The following BMPR1B variants were observed in gnomAD, a reference collection of about 807,000 sequenced individuals.
The protein encoded by BMPR1B is bone morphogenetic protein receptor type 1B.
BMPR1B carries 12 observed loss-of-function variants against 59.1 expected under a neutral mutation model. The ratio of observed to expected loss-of-function variants is 0.20; its 90% confidence interval spans 0.13 to 0.33. BMPR1B has a LOEUF of 0.33. BMPR1B is among the 10% of genes least tolerant of loss of function. The pLI is 1.00. For missense variants in BMPR1B, 550 were observed against 610.9 expected (o/e 0.90, Z 1.05); for synonymous variants, 237 against 207.3 (o/e 1.14, Z -1.23).
At chr4:94,873,087 G>C (rs1167706970) in intron 1 of BMPR1B, among the ~76,000 whole-genome samples, 2 of 151,922 alleles carry the variant, frequency 1.3e-5, no homozygotes, top group African/African-American at 4.8e-5. Flanking sequence ...CCATAAGCCA[G>C]ACTTCCTGGG....
chr4:95,005,963 G>A (rs144046061), intron 3 of BMPR1B, among the ~76,000 whole-genome samples: 8 of 152,174 alleles, frequency 5.3e-5, no homozygotes, highest in Admixed American at 3.9e-4. Context: ...AACATGTCAC[G>A]GATATTTGTA....
At chr4:95,041,831 C>T (rs147181560) in intron 3 of BMPR1B, among the ~76,000 whole-genome samples, 31 of 152,054 alleles carry the variant, frequency 2.0e-4, no homozygotes, top group Middle Eastern at 3.4e-3. Flanking sequence ...ATCCCTAATC[C>T]AAAATCTGAA....
intron 3 of BMPR1B, among the ~76,000 whole-genome samples, chr4:95,087,739 AT>A (rs1729691538): frequency 1.3e-5 from 2 of 152,274 alleles, no homozygotes; most frequent in African/African-American, 4.8e-5. Context: ...CTCAAAAAAA[AT>A]AAATAAATAA....
intron 3 of BMPR1B, among the ~76,000 whole-genome samples, chr4:95,092,142 T>G (rs555364960): frequency 1.3e-5 from 2 of 152,262 alleles, no homozygotes; most frequent in South Asian, 4.1e-4. Context: ...TTCTTTAAAG[T>G]ATAAATGTAA....
At chr4:94,808,424 A>C (rs1286593714) in intron 1 of BMPR1B, among the ~76,000 whole-genome samples, 2 of 152,206 alleles carry the variant, frequency 1.3e-5, no homozygotes, top group Non-Finnish European at 2.9e-5. Flanking sequence ...ACTGAATGTT[A>C]GATCCTGCTT....
chr4:94,887,113 A>G (rs1727199214), intron 2 of BMPR1B, among the ~76,000 whole-genome samples: 1 of 152,028 alleles, frequency 6.6e-6, no homozygotes, highest in Admixed American at 6.6e-5. Context: ...GGGTTAAATT[A>G]GGGTTCTGTA....
At chr4:94,931,155 A>T (rs2149033927) in intron 2 of BMPR1B, among the ~76,000 whole-genome samples, 1 of 152,270 alleles carries the variant, frequency 6.6e-6, no homozygotes, top group Middle Eastern at 3.4e-3. Flanking sequence ...GCTATAAAAA[A>T]TACAGTTTTC....
intron 4 of BMPR1B, among the ~76,000 whole-genome samples, chr4:95,111,198 CACTT>C (rs550904272): frequency 1.1e-3 from 172 of 152,178 alleles, no homozygotes; most frequent in African/African-American, 3.8e-3. Flanking sequence ...AATTTCCTAT[CACTT>C]GATTGAACAG....
chr4:94,762,185 A>G (rs914417523), intron 1 of BMPR1B, among the ~76,000 whole-genome samples: 14 of 152,288 alleles, frequency 9.2e-5, no homozygotes, highest in African/African-American at 3.4e-4. Flanking sequence ...AAATGTTTGA[A>G]TGCCTACTCT....
At chr4:95,105,412 A>G (rs1731132149) in intron 4 of BMPR1B, among the ~76,000 whole-genome samples, 1 of 152,028 alleles carries the variant, frequency 6.6e-6, no homozygotes, top group South Asian at 2.1e-4. Flanking sequence ...GAGCCCAGGT[A>G]GAATATCTGA....
At chr4:94,771,837 TGAA>T (rs1722198845) in intron 1 of BMPR1B, among the ~76,000 whole-genome samples, 1 of 152,158 alleles carries the variant, frequency 6.6e-6, no homozygotes, top group Admixed American at 6.5e-5. Flanking sequence ...GGATGCAAGA[TGAA>T]GAAAAAGACT....
chr4:95,031,158 G>A (rs996584366), intron 3 of BMPR1B, among the ~76,000 whole-genome samples: 2 of 152,026 alleles, frequency 1.3e-5, no homozygotes, highest in African/African-American at 4.8e-5. Flanking sequence ...GCATGGTACT[G>A]GTACCAAAAC....
intron 3 of BMPR1B, among the ~76,000 whole-genome samples, chr4:95,041,922 T>A (rs1020695865): frequency 8.0e-4 from 121 of 152,052 alleles, no homozygotes; most frequent in African/African-American, 2.8e-3. Flanking sequence ...TGGTGCGATC[T>A]CAATTCACTG....
intron 3 of BMPR1B, among the ~76,000 whole-genome samples, chr4:95,054,181 T>C (rs1157787048): frequency 6.6e-6 from 1 of 152,160 alleles, no homozygotes; most frequent in East Asian, 1.9e-4. Context: ...AAAAGATTTA[T>C]ATGAAGGAAT....
At chr4:94,931,769 A>G (rs976859250) in intron 2 of BMPR1B, among the ~76,000 whole-genome samples, 2 of 152,112 alleles carry the variant, frequency 1.3e-5, no homozygotes, top group East Asian at 3.9e-4. Context: ...GGAGGGCTGC[A>G]TGCTTAAAAA....
chr4:95,112,557 T>C (rs1731703832), intron 4 of BMPR1B, among the ~76,000 whole-genome samples: 1 of 152,184 alleles, frequency 6.6e-6, no homozygotes, highest in South Asian at 2.1e-4. Flanking sequence ...TAAATTAATT[T>C]GCTTTGTGGC....
chr4:94,837,720 T>C (rs1248041678), intron 1 of BMPR1B, among the ~76,000 whole-genome samples: 1 of 137,466 alleles, frequency 7.3e-6, no homozygotes, highest in African/African-American at 2.8e-5. Flanking sequence ...ACAATTTGAC[T>C]TCCTCTTTTC....
At chr4:95,008,841 A>G (rs956050587) in intron 3 of BMPR1B, among the ~76,000 whole-genome samples, 1 of 152,204 alleles carries the variant, frequency 6.6e-6, no homozygotes. Context: ...CAAATAGTCA[A>G]TAAACATATG....
chr4:94,986,463 T>C (rs1721413382), intron 2 of BMPR1B, among the ~76,000 whole-genome samples: 1 of 152,216 alleles, frequency 6.6e-6, no homozygotes, highest in Non-Finnish European at 1.5e-5. Flanking sequence ...AAGTCTAATT[T>C]AATCAGGTCT....
Sources: gnomAD v4.1 joint callset for allele counts (sites outside exome capture counted in the v4.1 genomes callset) on GRCh38, gnomAD v4.1.1 for gene constraint, MANE v1.5 for transcripts, NCBI Gene and HGNC (gene_info 2026-07-23, HGNC 2026-07-21) for gene names.